The following RASSF4 variants were observed in gnomAD, a reference collection of about 807,000 sequenced individuals.
The protein encoded by RASSF4 is ras association domain-containing protein 4.
RASSF4 carries 38 observed loss-of-function variants against 41.1 expected under a neutral mutation model. The observed-to-expected ratio is 0.92, with a 90% CI of 0.71 to 1.21. The LOEUF (loss-of-function observed/expected upper bound fraction) is 1.21, where lower values mean the gene tolerates loss of function less well. Among genes scored for constraint, RASSF4 ranks in the 50% most tolerant of loss-of-function variants. The pLI is 0.00. For missense variants in RASSF4, 414 were observed against 419.4 expected (o/e 0.99, Z 0.11); for synonymous variants, 179 against 163.4 (o/e 1.10, Z -0.73).
chr10:44,964,821 AC>A (rs1287302874), intron 1 of RASSF4, among the ~76,000 whole-genome samples: 1 of 152,158 alleles, frequency 6.6e-6, no homozygotes, highest in African/African-American at 2.4e-5. Context: ...TCTTTCAGAC[AC>A]CCCTTAGGTA....
chr10:44,992,264 C>T (rs1033916243), intron 10 of RASSF4, among the ~76,000 whole-genome samples: 1 of 151,988 alleles, frequency 6.6e-6, no homozygotes, highest in African/African-American at 2.4e-5. Flanking sequence ...CCAGCGCAGG[C>T]ATGAGCTGCA....
At chr10:44,991,794 C>T in intron 9 of RASSF4, 111 bp from the exon 10 acceptor site, 3 of 698,744 alleles carry the variant, frequency 4.3e-6, no homozygotes, top group South Asian at 3.5e-5. Context: ...GCAGCTCCTT[C>T]TGTGGATACA....
At chr10:44,980,394 C>T (rs974436714) in intron 3 of RASSF4, among the ~76,000 whole-genome samples, 19 of 152,226 alleles carry the variant, frequency 1.2e-4, no homozygotes, top group Non-Finnish European at 2.2e-4. Flanking sequence ...GCGGAGAATT[C>T]GCTGCTGGCT....
rs573463402 is a variant in RASSF4, at chr10:44,973,131, G to A, written c.138+1283G>A. Among the ~76,000 whole-genome samples the A allele has an allele frequency of 5.3e-5, 8 of 152,270 alleles. 1 individual carries two copies. The highest frequency in any genetic ancestry group is 3.3e-4 in the Admixed American group (5 of 15,298). On this transcript the variant is annotated intron_variant, in intron 3 of 10. Transcript: ENST00000340258. ...TGCCTCCTTGACCTGCCCAGGCTGC[G>A]AGGCCCCACAGCTTGCTCCCCTCCC... is the stretch of plus-strand genomic sequence containing the variant.
chr10:44,973,825 A>G (rs2132774491), intron 3 of RASSF4, among the ~76,000 whole-genome samples: 1 of 152,332 alleles, frequency 6.6e-6, no homozygotes, highest in Middle Eastern at 3.4e-3. Flanking sequence ...GACAGCCCAC[A>G]TAGAGAAGTA....
chr10:44,977,458 G>GT (rs1841487068), intron 3 of RASSF4: 1 of 1,611,830 alleles, frequency 6.2e-7, no homozygotes, highest in Admixed American at 1.7e-5. Context: ...GGCGGGGGCG[G>GT]TGGCGGGAGG....
At chr10:44,982,294 G>T (rs530928222) in intron 3 of RASSF4, 2 of 625,032 alleles carry the variant, frequency 3.2e-6, no homozygotes, top group Non-Finnish European at 5.7e-6. Context: ...TGTGTTCTGC[G>T]CTGTGCCCCT....
chr10:44,969,126 G>GTGTA (rs1274639426), intron 1 of RASSF4, among the ~76,000 whole-genome samples: 1 of 151,694 alleles, frequency 6.6e-6, no homozygotes, highest in Admixed American at 6.6e-5. Flanking sequence ...GTGTGTGTGT[G>GTGTA]TGTATGTATG....
At position 44,994,462 on chromosome 10, in the gene RASSF4, G is replaced by A. The variant is rs1251713274; in HGVS notation, c.*1133G>A. 1 of 152,626 alleles carries A rather than the reference G, an allele frequency of 6.6e-6. No individual in the cohort carries two copies. The highest frequency in any genetic ancestry group is 2.4e-5 in the African/African-American group (1 of 41,450). 9.5% of individuals were successfully genotyped at this position (152,626 alleles called of 1,614,324 possible). ...GGGAAGAACCACAAAGGCTTGCAAA[G>A]ATAGGAGAGGCTCCATCTCTAATGC... On this transcript the variant is annotated 3_prime_UTR_variant, in exon 11 of 11. Transcript: ENST00000340258.
At chr10:44,960,238 G>C (rs898684778) in intron 1 of RASSF4, among the ~76,000 whole-genome samples, 4 of 152,190 alleles carry the variant, frequency 2.6e-5, no homozygotes, top group Admixed American at 2.6e-4. Flanking sequence ...GAAATCGAAC[G>C]CCAAGATAAT....
chr10:44,971,502 G>A, intron 2 of RASSF4: 1 of 630,060 alleles, frequency 1.6e-6, no homozygotes, highest in Non-Finnish European at 3.0e-6. Context: ...GAAAGTGTCG[G>A]CACCCTGGAC....
Position 44,991,965 on chromosome 10 carries a change from G to A in RASSF4, c.868G>A (p.Glu290Lys). The A allele has an allele frequency of 6.2e-7, 1 of 1,613,008 alleles. No individual in the cohort carries two copies. Among genetic ancestry groups the A allele is most frequent in the Non-Finnish European group, 8.5e-7 (1 of 1,179,068 alleles). The change falls in exon 10 of 11, where the codon GAA (glutamate) becomes AAA (lysine). Residue 290 changes from glutamate to lysine, a missense_variant. By Grantham distance (56) the Glu-to-Lys change is moderately conservative (BLOSUM62 1). Coordinates refer to ENST00000340258, the MANE Select transcript of RASSF4 (RefSeq NM_032023.4). The part of the protein sequence containing the change: ...VLDSFVEKLK[E>K]EEEREIIKLT... ...GGACAGTTTTGTTGAAAAATTAAAA[G>A]AAGAGGAAGAAAGAGAAATAATCAA... is the stretch of plus-strand genomic sequence containing the variant.
chr10:44,959,898 G>A (rs1199326898), intron 1 of RASSF4, 32 bp downstream of exon 1: 2 of 152,366 alleles, frequency 1.3e-5, no homozygotes, highest in Non-Finnish European at 1.5e-5. Context: ...GAGTGCTTGG[G>A]CGTCCATGGA....
chr10:44,963,599 C>T (rs1840791503), intron 1 of RASSF4, among the ~76,000 whole-genome samples: 1 of 152,238 alleles, frequency 6.6e-6, no homozygotes, highest in Admixed American at 6.5e-5. Context: ...CCTGCACTTG[C>T]TGTCCTCCAC....
At chr10:44,989,152 T>G in intron 6 of RASSF4, 122 bp from the exon 7 acceptor site, 1 of 637,794 alleles carries the variant, frequency 1.6e-6, no homozygotes, top group Non-Finnish European at 2.8e-6. Context: ...TCAGCGTGAA[T>G]GGACAGGTGC....
chr10:44,975,464 TCCCACC>T (rs1370004304), intron 3 of RASSF4, among the ~76,000 whole-genome samples: 1 of 13,432 alleles, frequency 7.4e-5, no homozygotes, highest in South Asian at 2.5e-3. Context: ...CCTCTCCACC[TCCCACC>T]CCCACCCCCA....
At chr10:44,962,809 T>C (rs374858825) in intron 1 of RASSF4, among the ~76,000 whole-genome samples, 5 of 152,248 alleles carry the variant, frequency 3.3e-5, no homozygotes, top group Middle Eastern at 3.4e-3. Flanking sequence ...AGAATGTATG[T>C]TTAAGGTGTA....
At chr10:44,976,327 C>G (rs974745925) in intron 3 of RASSF4, 1 of 152,242 alleles carries the variant, frequency 6.6e-6, no homozygotes, top group Non-Finnish European at 1.5e-5. Flanking sequence ...ACACACTTAA[C>G]AGAAGACAGA....
intron 3 of RASSF4, among the ~76,000 whole-genome samples, chr10:44,972,677 G>T (rs1354040851): frequency 6.6e-6 from 1 of 152,230 alleles, no homozygotes; most frequent in Non-Finnish European, 1.5e-5. Flanking sequence ...GGGAATCTTG[G>T]TTGGGCTTTG....
Sources: allele counts gnomAD v4.1 joint callset (sites outside exome capture counted in the v4.1 genomes callset), GRCh38; gene constraint gnomAD v4.1.1; transcripts MANE v1.5; gene names NCBI Gene and HGNC (gene_info 2026-07-23, HGNC 2026-07-21).